The following FA2H variants were observed in gnomAD, a reference collection of about 807,000 sequenced individuals.
FA2H encodes fatty acid 2-hydroxylase.
FA2H carries 22 observed loss-of-function variants against 44.9 expected under a neutral mutation model. The ratio of observed to expected loss-of-function variants is 0.49; its 90% CI spans 0.35 to 0.70. The LOEUF (loss-of-function observed/expected upper bound fraction) is 0.70. FA2H is among the 30% of genes least tolerant of loss of function. The probability of loss-of-function intolerance (pLI) is 0.01; values close to 1 mark genes in which losing one functional copy is unlikely to be tolerated. For missense variants in FA2H, 501 were observed against 504.9 expected (o/e 0.99, Z 0.07); for synonymous variants, 243 against 213.2 (o/e 1.14, Z -1.22).
In FA2H at chr16:74,774,670, C is replaced by A; in HGVS notation, c.86G>T (p.Arg29Leu). The change falls in exon 1 of 7, where the codon CGC (arginine) becomes CTC (leucine). Residue 29 changes from arginine (R) to leucine (L), a missense_variant. Coordinates refer to ENST00000219368, the MANE Select transcript of FA2H (RefSeq NM_024306.5). ...GGAGAGGTCGTAGAGGCGGGCCCCG[C>A]GGCGGACCCAGCACGCGCCGGCCGC... ...RLAAGACWVR[R>L]GARLYDLSSF... The A allele has an allele frequency of 1.4e-6, 2 of 1,429,628 alleles. No individual in the cohort carries two copies. Among genetic ancestry groups the A allele is most frequent in the Non-Finnish European group, 9.1e-7 (1 of 1,094,682 alleles). The allele number at this position is 1,429,628 out of a possible 1,614,324, so 88.6% of individuals were successfully genotyped here. A position where few individuals can be genotyped will look rare whatever the true frequency, so the allele number is the denominator to read the frequency against.
intron 1 of FA2H, among the ~76,000 whole-genome samples, chr16:74,773,965 C>G (rs550099991): frequency 6.6e-6 from 1 of 152,284 alleles, no homozygotes; most frequent in African/African-American, 2.4e-5. Context: ...CCAGGCAAGG[C>G]CAGGGCGGCA....
At chr16:74,722,573 A>G (rs1961862943) in intron 4 of FA2H, among the ~76,000 whole-genome samples, 1 of 152,012 alleles carries the variant, frequency 6.6e-6, no homozygotes, top group South Asian at 2.1e-4. Context: ...GGTTGGACTC[A>G]TGGCTCCACT....
At chr16:74,769,674 A>C (rs149901954) in intron 1 of FA2H, among the ~76,000 whole-genome samples, 1 of 152,264 alleles carries the variant, frequency 6.6e-6, no homozygotes, top group African/African-American at 2.4e-5. Flanking sequence ...GGAGGTTTAG[A>C]CCTAAAGTCC....
chr16:74,720,180 C>CTTTTTGTTT (rs1961802631), intron 4 of FA2H, among the ~76,000 whole-genome samples: 2 of 47,200 alleles, frequency 4.2e-5, no homozygotes, highest in Admixed American at 3.4e-4. Flanking sequence ...CATCCTCATC[C>CTTTTTGTTT]TTTTTTTTTT....
chr16:74,744,483 A>G (rs1432220055), intron 1 of FA2H, among the ~76,000 whole-genome samples: 1 of 137,966 alleles, frequency 7.2e-6, no homozygotes, highest in African/African-American at 2.7e-5. Flanking sequence ...ACAAGGTCTC[A>G]GTCTGTTACC....
intron 1 of FA2H, among the ~76,000 whole-genome samples, chr16:74,763,220 T>A (rs1962744539): frequency 6.6e-6 from 1 of 152,226 alleles, no homozygotes; most frequent in African/African-American, 2.4e-5. Flanking sequence ...TATGTACAAG[T>A]ACCTAAGTGG....
At chr16:74,714,598 G>T (rs527443439) in intron 6 of FA2H, among the ~76,000 whole-genome samples, 2 of 147,322 alleles carry the variant, frequency 1.4e-5, no homozygotes, top group Admixed American at 1.4e-4. Context: ...TGCACCAGTC[G>T]CTCTTGGGAC....
intron 2 of FA2H, among the ~76,000 whole-genome samples, chr16:74,738,534 G>A (rs1274010177): frequency 6.6e-6 from 1 of 152,148 alleles, no homozygotes; most frequent in African/African-American, 2.4e-5. Flanking sequence ...TTTTGTTCAT[G>A]TCACATCACC....
At chr16:74,724,986 G>A (rs899448211) in intron 4 of FA2H, among the ~76,000 whole-genome samples, 4 of 152,216 alleles carry the variant, frequency 2.6e-5, no homozygotes, top group African/African-American at 9.6e-5. Flanking sequence ...CCCTGCCACT[G>A]TTTGTGATTG....
At chr16:74,767,843 C>G (rs1347071148) in intron 1 of FA2H, among the ~76,000 whole-genome samples, 1 of 152,116 alleles carries the variant, frequency 6.6e-6, no homozygotes, top group African/African-American at 2.4e-5. Flanking sequence ...AGGTGGAAAA[C>G]TAAAAGGGTA....
At chr16:74,759,196 G>A (rs180894487) in intron 1 of FA2H, among the ~76,000 whole-genome samples, 3 of 152,326 alleles carry the variant, frequency 2.0e-5, no homozygotes, top group African/African-American at 7.2e-5. Flanking sequence ...AGGGAACTTC[G>A]ATGTCAGTCT....
chr16:74,733,644 A>T (rs150096957), intron 2 of FA2H, among the ~76,000 whole-genome samples: 95 of 152,292 alleles, frequency 6.2e-4, no homozygotes, highest in African/African-American at 2.1e-3. Flanking sequence ...GTCGTTTCCA[A>T]CATGGCAGTT....
At chr16:74,762,730 A>G (rs983056887) in intron 1 of FA2H, among the ~76,000 whole-genome samples, 1 of 151,730 alleles carries the variant, frequency 6.6e-6, no homozygotes, top group Non-Finnish European at 1.5e-5. Context: ...GGGTTTCACC[A>G]TATTGGTCAG....
chr16:74,728,676 G>A (rs767815190), intron 2 of FA2H, among the ~76,000 whole-genome samples: 6 of 151,990 alleles, frequency 3.9e-5, no homozygotes, highest in East Asian at 3.8e-4. Context: ...GTACTCCATC[G>A]GTACTCACAG....
chr16:74,744,975 G>A (rs934993153), intron 1 of FA2H, among the ~76,000 whole-genome samples: 14 of 152,202 alleles, frequency 9.2e-5, no homozygotes, highest in Admixed American at 9.2e-4. Flanking sequence ...TCACAGGAGT[G>A]ATCAGCACAA....
At chr16:74,755,563 T>C (rs1298251967) in intron 1 of FA2H, among the ~76,000 whole-genome samples, 5 of 152,238 alleles carry the variant, frequency 3.3e-5, no homozygotes. Context: ...TTTATTTTTC[T>C]ACTCATTCTT....
At chr16:74,740,680 A>G (rs1962278828) in intron 1 of FA2H, among the ~76,000 whole-genome samples, 1 of 149,656 alleles carries the variant, frequency 6.7e-6, no homozygotes, top group Non-Finnish European at 1.5e-5. Flanking sequence ...AAATTTCTGC[A>G]TAAATAAAAG....
At chr16:74,731,993 T>C (rs1962079810) in intron 2 of FA2H, among the ~76,000 whole-genome samples, 3 of 152,232 alleles carry the variant, frequency 2.0e-5, no homozygotes, top group African/African-American at 7.2e-5. Context: ...CCACCTCAGC[T>C]TCCCGAGTAG....
At chr16:74,718,766 G>A (rs992036067) in intron 5 of FA2H, among the ~76,000 whole-genome samples, 1 of 152,236 alleles carries the variant, frequency 6.6e-6, no homozygotes, top group South Asian at 2.1e-4. Context: ...CAAGGGTGCA[G>A]AGGGCCTGGG....
Sources: allele counts gnomAD v4.1 joint callset (sites outside exome capture counted in the v4.1 genomes callset), GRCh38; gene constraint gnomAD v4.1.1; transcripts MANE v1.5; gene names NCBI Gene and HGNC (gene_info 2026-07-23, HGNC 2026-07-21).